The following TEX10 variants were observed in gnomAD, a reference collection of about 807,000 sequenced individuals.
The protein encoded by TEX10 is testis expressed 10, also known as testis-expressed protein 10.
A neutral mutation model predicts 104.4 loss-of-function variants in TEX10; 24 were observed. That is an observed-to-expected ratio of 0.23 (90% CI 0.17 to 0.32). The LOEUF is 0.32. Among genes scored for constraint, TEX10 ranks in the 10% least tolerant of loss-of-function variants. The pLI is 1.00. For missense variants in TEX10, 921 were observed against 1,083.9 expected (o/e 0.85, Z 2.11); for synonymous variants, 396 against 393.4 (o/e 1.01, Z -0.08).
At chr9:100,313,329 A>G (rs1834325950) in intron 11 of TEX10, among the ~76,000 whole-genome samples, 1 of 151,956 alleles carries the variant, frequency 6.6e-6, no homozygotes, top group Admixed American at 6.5e-5. Flanking sequence ...AGCCTGGTCA[A>G]CATGGTGAAA....
rs1003964284 is a variant in TEX10 at position 100,309,026 on chromosome 9, C to A, written c.2284-345G>T. On this transcript the variant is annotated intron_variant, in intron 12 of 14. Coordinates refer to ENST00000374902, the MANE Select transcript of TEX10 (RefSeq NM_017746.4). Reference sequence around the variant, plus strand: ...CATGCACTCAAAGAAAATCTGAATACCAACAATCATACTTAAAAATTTTTA... The same window carrying A: ...CATGCACTCAAAGAAAATCTGAATAACAACAATCATACTTAAAAATTTTTA... Among the ~76,000 whole-genome samples, 3 of 152,116 alleles carry A rather than the reference C, an allele frequency of 2.0e-5. No individual in the cohort carries two copies. In the East Asian group the frequency reaches 5.8e-4, roughly 29 times the overall value.
intron 4 of TEX10, among the ~76,000 whole-genome samples, chr9:100,341,122 A>G (rs1470446919): frequency 6.6e-6 from 1 of 152,146 alleles, no homozygotes; most frequent in Non-Finnish European, 1.5e-5. Context: ...GCCCATTACC[A>G]CGCTCGGCTA....
intron 9 of TEX10, 35 bp from the exon 10 acceptor site, chr9:100,321,806 T>G (rs752168190): frequency 6.7e-7 from 1 of 1,496,690 alleles, no homozygotes; most frequent in South Asian, 1.1e-5. Context: ...TTACCAGAAG[T>G]GACCAACTTG....
At chr9:100,336,620 T>C (rs562857568) in intron 5 of TEX10, among the ~76,000 whole-genome samples, 13 of 152,340 alleles carry the variant, frequency 8.5e-5, no homozygotes, top group African/African-American at 3.1e-4. Context: ...TAAAACTGTT[T>C]CATTACGTAT....
chr9:100,352,099 T>G (rs1054549054), intron 1 of TEX10, among the ~76,000 whole-genome samples: 3 of 152,250 alleles, frequency 2.0e-5, no homozygotes. Flanking sequence ...ATAGTTTGCC[T>G]GCCACCTTCT....
chr9:100,343,982 T>C (rs970038432), intron 4 of TEX10, among the ~76,000 whole-genome samples: 12 of 152,360 alleles, frequency 7.9e-5, no homozygotes, highest in African/African-American at 2.9e-4. Context: ...TTGTATAGAA[T>C]GCTACTAACA....
At chr9:100,339,302 T>C (rs868290727) in intron 5 of TEX10, among the ~76,000 whole-genome samples, 13 of 127,794 alleles carry the variant, frequency 1.0e-4, no homozygotes, top group Non-Finnish European at 1.4e-4. Flanking sequence ...CATATATATA[T>C]ACACATATTT....
At chr9:100,333,017 G>A (rs1348773307) in intron 5 of TEX10, among the ~76,000 whole-genome samples, 2 of 150,934 alleles carry the variant, frequency 1.3e-5, no homozygotes, top group South Asian at 4.3e-4. Flanking sequence ...TTGTTTTTTT[G>A]TTTTTGAGAC....
At chr9:100,330,952 C>T (rs1320050792) in intron 5 of TEX10, among the ~76,000 whole-genome samples, 1 of 151,866 alleles carries the variant, frequency 6.6e-6, no homozygotes, top group African/African-American at 2.4e-5. Flanking sequence ...CCCATCTCTA[C>T]AAAAAATGAA....
chr9:100,346,582 A>G (rs1835303925), intron 3 of TEX10, 112 bp downstream of exon 3: 2 of 1,178,258 alleles, frequency 1.7e-6, no homozygotes, highest in Non-Finnish European at 2.4e-6. Context: ...ATGAGTAACT[A>G]TATGAAAACT....
At chr9:100,346,625 G>T in intron 3 of TEX10, 69 bp downstream of exon 3, 2 of 1,460,002 alleles carry the variant, frequency 1.4e-6, no homozygotes, top group Non-Finnish European at 1.9e-6. Context: ...CCCACCAACA[G>T]TCATCAATGG....
chr9:100,338,802 G>T (rs1835078529), intron 5 of TEX10, among the ~76,000 whole-genome samples: 1 of 151,688 alleles, frequency 6.6e-6, no homozygotes, highest in South Asian at 2.1e-4. Context: ...TGAAGCAGGA[G>T]AATCGCTTGA....
At chr9:100,328,376 C>G (rs1834762174) in intron 7 of TEX10, among the ~76,000 whole-genome samples, 1 of 152,192 alleles carries the variant, frequency 6.6e-6, no homozygotes, top group Non-Finnish European at 1.5e-5. Flanking sequence ...AACATTTTCA[C>G]TAGGTCCCCT....
At chr9:100,328,747 A>G (rs931383363) in intron 7 of TEX10, among the ~76,000 whole-genome samples, 1 of 152,216 alleles carries the variant, frequency 6.6e-6, no homozygotes, top group African/African-American at 2.4e-5. Flanking sequence ...TGATAGCACT[A>G]AACTAAGCCA....
At chr9:100,352,372 T>A in intron 1 of TEX10, 1 of 1,551,612 alleles carries the variant, frequency 6.4e-7, no homozygotes, top group Non-Finnish European at 8.7e-7. Flanking sequence ...CGCCAGCTCA[T>A]CCCCACTCCG....
rs760633748 is a variant in TEX10, at chr9:100,347,278, C to T, written c.309G>A (p.Val103=). ...DAHLSNILSE[V]TAVFTDKDAN... is the part of the protein sequence containing the mutation. The stretch of plus-strand genomic sequence containing the variant: ...CATCTTTATCTGTAAACACAGCAGT[C>T]ACTTCACTTAATATGTTTGAAAGGT... Residue 103 remains valine, a synonymous_variant, in exon 3 of 15, where the codon GTG becomes GTA. Transcript: ENST00000374902. 2 of 1,614,126 alleles carry T rather than the reference C, an allele frequency of 1.2e-6. No individual in the cohort carries two copies. Among genetic ancestry groups the T allele is most frequent in the Non-Finnish European group, 1.7e-6 (2 of 1,180,002 alleles).
At chr9:100,326,646 T>C (rs1834712031) in intron 8 of TEX10, among the ~76,000 whole-genome samples, 167 bp from the exon 9 acceptor site, 2 of 152,134 alleles carry the variant, frequency 1.3e-5, no homozygotes, top group African/African-American at 4.8e-5. Context: ...ATAAAACACA[T>C]ATGTATGGCT....
At chr9:100,339,774 C>CT (rs61514732) in intron 5 of TEX10, among the ~76,000 whole-genome samples, 47 of 145,490 alleles carry the variant, frequency 3.2e-4, no homozygotes, top group South Asian at 6.5e-4. Flanking sequence ...TCTAGGCTTA[C>CT]TTTTTTTTTT....
At chr9:100,322,869 G>A (rs937026840) in intron 9 of TEX10, among the ~76,000 whole-genome samples, 2 of 152,114 alleles carry the variant, frequency 1.3e-5, no homozygotes, top group Non-Finnish European at 2.9e-5. Flanking sequence ...ACCTGCCTCG[G>A]TCTCCCAGAG....
Sources: allele counts gnomAD v4.1 joint callset (sites outside exome capture counted in the v4.1 genomes callset), GRCh38; gene constraint gnomAD v4.1.1; transcripts MANE v1.5; gene names NCBI Gene and HGNC (gene_info 2026-07-23, HGNC 2026-07-21).